Variants in ASXL3 observed in about 807,000 individuals in gnomAD.
The protein encoded by ASXL3 is putative Polycomb group protein ASXL3.
In ASXL3, 34 loss-of-function variants were observed where a neutral mutation model predicts 170.6. That is an observed-to-expected ratio of 0.20 (90% CI 0.15 to 0.27). The LOEUF (loss-of-function observed/expected upper bound fraction) is 0.27, where lower values mean the gene tolerates loss of function less well. Among genes scored for constraint, ASXL3 ranks in the 10% least tolerant of loss-of-function variants. The pLI is 1.00. For missense variants in ASXL3, 2,592 were observed against 2,695.3 expected (o/e 0.96, Z 0.85); for synonymous variants, 1,002 against 989.1 (o/e 1.01, Z -0.24).
chr18:33,683,344 A>C, intron 7 of ASXL3, 61 bp from the exon 8 acceptor site: 2 of 1,411,768 alleles, frequency 1.4e-6, no homozygotes, highest in South Asian at 1.4e-5. Context: ...GTTTGTGTGT[A>C]CGTACGTACA....
intron 7 of ASXL3, among the ~76,000 whole-genome samples, chr18:33,679,376 A>C (rs546166788): frequency 2.6e-5 from 4 of 152,236 alleles, no homozygotes; most frequent in African/African-American, 9.6e-5. Flanking sequence ...CCAACATCTC[A>C]ACTCAACAAA....
At position 33,743,666 on chromosome 18, in the gene ASXL3, C is replaced by T. The variant is rs769334860; in HGVS notation, c.3818C>T (p.Thr1273Ile). The T allele has an allele frequency of 6.2e-7, 1 of 1,613,822 alleles. No individual in the cohort carries two copies. Among genetic ancestry groups the T allele is most frequent in the Non-Finnish European group, 8.5e-7 (1 of 1,179,882 alleles). Residue 1273 changes from threonine to isoleucine, a missense_variant, in exon 12 of 12, where the codon ACA becomes ATA. Physicochemically the swap from Thr to Ile is moderately conservative, Grantham distance 89. Transcript: ENST00000269197. Reference protein sequence around the residue: ...VLMSVDSANTTISACNISMLK... With the variant: ...VLMSVDSANTIISACNISMLK... The stretch of plus-strand genomic sequence containing the variant: ...ATGTCTGTTGACAGTGCAAACACTA[C>T]AATTTCTGCTTGTAATATAAGCATG...
rs2065911346 is a variant in ASXL3, at chr18:33,646,250, G to A, written c.252G>A (p.Glu84=). The A allele has an allele frequency of 6.2e-7, 1 of 1,610,232 alleles. No homozygotes were observed. The highest frequency in any genetic ancestry group is 8.5e-7 in the Non-Finnish European group (1 of 1,177,472). ...CACTTTTCAAAATAATACAGAAAGA[G>A]GAGTCGTCATGCCCAGCAGATGGCA... ...GKSGLYALKK[E]ESSCPADGTL... Residue 84 remains glutamate (E), a synonymous_variant, in exon 4 of 12, where the codon GAG becomes GAA. Coordinates refer to ENST00000269197, the MANE Select transcript of ASXL3 (RefSeq NM_030632.3).
At chr18:33,708,297 T>C (rs2066997650) in intron 8 of ASXL3, among the ~76,000 whole-genome samples, 1 of 152,196 alleles carries the variant, frequency 6.6e-6, no homozygotes. Flanking sequence ...TTGTAGAACT[T>C]TTCTATCGTC....
chr18:33,735,953 T>TAATC (rs1364116749), intron 10 of ASXL3, among the ~76,000 whole-genome samples: 1 of 152,004 alleles, frequency 6.6e-6, no homozygotes, highest in Non-Finnish European at 1.5e-5. Context: ...ATGCAAAAAA[T>TAATC]AATCATTGAG....
chr18:33,744,230 C>T lies in ASXL3; in HGVS notation c.4382C>T (p.Ala1461Val), dbSNP rs148756586. Reference protein sequence around the residue: ...GKPQQPPGGFAPAAINRSIPC... With the variant: ...GKPQQPPGGFVPAAINRSIPC... ...CCTCAGCAACCACCAGGGGGCTTTG[C>T]ACCAGCAGCCATAAACCGATCAATT... is the stretch of plus-strand genomic sequence containing the variant. The change falls in exon 12 of 12, where the codon GCA becomes GTA. Residue 1461 changes from alanine (A) to valine (V), a missense_variant. By Grantham distance (64) the Ala-to-Val change is moderately conservative. Coordinates refer to ENST00000269197, the MANE Select transcript of ASXL3 (RefSeq NM_030632.3). 41 of 1,613,918 alleles carry T rather than the reference C, an allele frequency of 2.5e-5. No individual in the cohort carries two copies. The highest frequency in any genetic ancestry group is 2.2e-4 in the Admixed American group (13 of 60,032).
rs779335040 is a variant in ASXL3, at chr18:33,745,899, G to A, written c.6051G>A (p.Pro2017=). Residue 2017 remains proline, a synonymous_variant, in exon 12 of 12, where the codon CCG becomes CCA. Coordinates refer to ENST00000269197, the MANE Select transcript of ASXL3 (RefSeq NM_030632.3). ...HTMPNKALVH[P]PPPPPPPPPP... ...TGCCAAACAAAGCACTAGTACATCC[G>A]CCGCCGCCACCGCCTCCCCCTCCCC... is the stretch of plus-strand genomic sequence containing the variant. 2.2e-5 allele frequency: 36 copies of A among 1,610,452 alleles called. 1 individual carries two copies. Among genetic ancestry groups the A allele is most frequent in the South Asian group, 1.1e-4 (10 of 90,858 alleles).
At chr18:33,579,372 T>C (rs180901008) in intron 1 of ASXL3, among the ~76,000 whole-genome samples, 3 of 152,334 alleles carry the variant, frequency 2.0e-5, no homozygotes, top group African/African-American at 7.2e-5. Context: ...GGTGTGTGTG[T>C]GTTTGGTGAA....
At position 33,745,157 on chromosome 18, in the gene ASXL3, G is replaced by A. The variant is rs776403744; in HGVS notation, c.5309G>A (p.Gly1770Glu). ...LEKVLPQPRLGAKLEINRLPL... is the reference protein window; with the variant it reads ...LEKVLPQPRLEAKLEINRLPL... ...AAAGTGTTGCCACAGCCCAGATTGG[G>A]AGCCAAGCTTGAAATCAACAGGCTT... Residue 1770 changes from glycine (G) to glutamate (E), a missense_variant, in exon 12 of 12, where the codon GGA becomes GAA. Physicochemically the swap from Gly to Glu is moderately conservative, Grantham distance 98 (BLOSUM62 -2). Coordinates refer to ENST00000269197, the MANE Select transcript of ASXL3 (RefSeq NM_030632.3). 1.9e-4 allele frequency: 307 copies of A among 1,613,896 alleles called. No homozygotes were observed. The highest frequency in any genetic ancestry group is 2.4e-4 in the Non-Finnish European group (288 of 1,179,916).
At chr18:33,611,722 T>G (rs2065339066) in intron 2 of ASXL3, among the ~76,000 whole-genome samples, 1 of 152,082 alleles carries the variant, frequency 6.6e-6, no homozygotes, top group African/African-American at 2.4e-5. Context: ...TATGTTCTTG[T>G]CTGCAGTAAG....
At chr18:33,639,308 G>A (rs549645055) in intron 2 of ASXL3, among the ~76,000 whole-genome samples, 46 of 152,102 alleles carry the variant, frequency 3.0e-4, no homozygotes, top group Non-Finnish European at 5.7e-4. Flanking sequence ...ATGTGACACA[G>A]CTCCTAAATG....
chr18:33,734,498 C>A, intron 10 of ASXL3, 83 bp downstream of exon 10: 1 of 779,744 alleles, frequency 1.3e-6, no homozygotes, highest in Non-Finnish European at 1.9e-6. Flanking sequence ...CACTCATATG[C>A]TGTAAAACTT....
chr18:33,653,655 G>C (rs2066036075), intron 4 of ASXL3, among the ~76,000 whole-genome samples: 1 of 151,966 alleles, frequency 6.6e-6, no homozygotes, highest in Admixed American at 6.6e-5. Context: ...AATTTCAAAA[G>C]ATCATGAAGC....
At chr18:33,723,291 T>G (rs1332254073) in intron 8 of ASXL3, among the ~76,000 whole-genome samples, 1 of 152,154 alleles carries the variant, frequency 6.6e-6, no homozygotes, top group East Asian at 1.9e-4. Flanking sequence ...GAAAGTCTTT[T>G]GGAAAGAATT....
intron 8 of ASXL3, among the ~76,000 whole-genome samples, chr18:33,709,710 C>T (rs771457105): frequency 6.6e-6 from 1 of 152,146 alleles, no homozygotes; most frequent in African/African-American, 2.4e-5. Flanking sequence ...AAAAGTGATT[C>T]GAGCCATGCT....
rs75740578 is a variant in ASXL3 at position 33,743,777 on chromosome 18, A to G, written c.3929A>G (p.Glu1310Gly). ...IESTPISATT[E>G]GSSISSSMDD... is the part of the protein sequence containing the mutation. ...AGCACTCCCATTTCAGCCACTACAGAGGGCTCCAGCATATCAAGCTCCATG... is the reference window on the plus strand; with the variant it reads ...AGCACTCCCATTTCAGCCACTACAGGGGGCTCCAGCATATCAAGCTCCATG... Residue 1310 changes from glutamate (E) to glycine (G), a missense_variant, in exon 12 of 12, where the codon GAG becomes GGG. Physicochemically the swap from Glu to Gly is moderately conservative, Grantham distance 98. Transcript: ENST00000269197. 1 of 1,613,886 alleles carries G rather than the reference A, an allele frequency of 6.2e-7. No individual in the cohort carries two copies. The highest frequency in any genetic ancestry group is 8.5e-7 in the Non-Finnish European group (1 of 1,179,902).
intron 8 of ASXL3, among the ~76,000 whole-genome samples, chr18:33,694,501 T>G (rs957968907): frequency 6.6e-6 from 1 of 152,172 alleles, no homozygotes; most frequent in Non-Finnish European, 1.5e-5. Context: ...TTACTTGATG[T>G]TCTTCTCTGA....
intron 8 of ASXL3, among the ~76,000 whole-genome samples, chr18:33,725,024 T>G (rs1362039965): frequency 1.3e-5 from 2 of 152,116 alleles, no homozygotes; most frequent in Admixed American, 6.6e-5. Context: ...TGAATTATAC[T>G]TAGTGGTAAG....
intron 2 of ASXL3, among the ~76,000 whole-genome samples, chr18:33,636,286 G>A (rs1251461546): frequency 1.3e-5 from 2 of 151,608 alleles, no homozygotes; most frequent in African/African-American, 4.9e-5. Context: ...TCCTTCGGTG[G>A]GCAGTGAAAA....
Sources: gnomAD v4.1 joint callset for allele counts (sites outside exome capture counted in the v4.1 genomes callset) on GRCh38, gnomAD v4.1.1 for gene constraint, MANE v1.5 for transcripts, NCBI Gene and HGNC (gene_info 2026-07-23, HGNC 2026-07-21) for gene names.